TNS3: variants seen among roughly 807,000 people sequenced by gnomAD.
TNS3 encodes tensin-3.
TNS3 carries 45 observed loss-of-function variants against 140.9 expected under a neutral mutation model. The ratio of observed to expected loss-of-function variants is 0.32; its 90% confidence interval spans 0.25 to 0.41. The LOEUF is 0.41. Ranked by LOEUF, TNS3 falls within the 10% of genes least tolerant of loss-of-function variation. The probability of loss-of-function intolerance (pLI) is 1.00; values close to 1 mark genes in which losing one functional copy is unlikely to be tolerated. For missense variants in TNS3, 1,716 were observed against 1,906.7 expected (o/e 0.90, Z 1.86); for synonymous variants, 815 against 788.4 (o/e 1.03, Z -0.56).
At chr7:47,564,665 A>AAAAAAAAAAAC (rs1800392417) in intron 1 of TNS3, among the ~76,000 whole-genome samples, 1 of 149,122 alleles carries the variant, frequency 6.7e-6, no homozygotes, top group African/African-American at 2.5e-5. Context: ...AAAAACAAAA[A>AAAAAAAAAAAC]AAGACTGCAA....
At chr7:47,381,722 G>A (rs1187796080) in intron 16 of TNS3, among the ~76,000 whole-genome samples, 1 of 152,170 alleles carries the variant, frequency 6.6e-6, no homozygotes, top group African/African-American at 2.4e-5. Context: ...AAAACTCAGC[G>A]CACCCTTGGG....
chr7:47,306,394 C>T (rs545256654), intron 20 of TNS3, among the ~76,000 whole-genome samples: 34 of 152,304 alleles, frequency 2.2e-4, no homozygotes, highest in African/African-American at 7.5e-4. Flanking sequence ...AAATGGAATG[C>T]ACTTCACTCC....
intron 25 of TNS3, among the ~76,000 whole-genome samples, chr7:47,293,205 T>C (rs956533315): frequency 2.0e-5 from 3 of 152,220 alleles, no homozygotes; most frequent in African/African-American, 7.2e-5. Flanking sequence ...AGGGTTGACA[T>C]CAAGCCAACT....
intron 20 of TNS3, among the ~76,000 whole-genome samples, chr7:47,305,244 C>G (rs984426530): frequency 5.9e-5 from 9 of 152,214 alleles, no homozygotes; most frequent in Non-Finnish European, 1.2e-4. Flanking sequence ...CGACCTAATT[C>G]AGTCCCCCAC....
intron 3 of TNS3, among the ~76,000 whole-genome samples, chr7:47,498,220 C>T (rs1352993040): frequency 6.6e-6 from 1 of 152,268 alleles, no homozygotes; most frequent in Admixed American, 6.5e-5. Flanking sequence ...CAATAAAACA[C>T]ACTTGCAGGC....
At position 47,415,301 on chromosome 7, in the gene TNS3, G is replaced by A. The variant is rs1794018130; in HGVS notation, c.474-95C>T. ...GAGAAACACATCCTGGCTGAGTCTG[G>A]GGCTCTGGGAGAGAATCGGTCCACT... On this transcript the variant is annotated intron_variant, in intron 10 of 30. Transcript: ENST00000311160. 1.8e-5 allele frequency: 15 copies of A among 839,026 alleles called. No homozygotes were observed. The South Asian group carries it at 2.5e-4, about 14-fold the overall frequency. 52.0% of individuals were successfully genotyped at this position (839,026 alleles called of 1,614,324 possible).
chr7:47,427,421 G>A (rs762047401), intron 9 of TNS3, among the ~76,000 whole-genome samples: 8 of 152,258 alleles, frequency 5.3e-5, no homozygotes, highest in Admixed American at 4.6e-4. Flanking sequence ...AAGGTTTATC[G>A]GCTGATATGA....
At chr7:47,411,203 G>A (rs991423535) in intron 13 of TNS3, among the ~76,000 whole-genome samples, 6 of 152,208 alleles carry the variant, frequency 3.9e-5, no homozygotes, top group African/African-American at 1.4e-4. Context: ...TAGAATGAAA[G>A]AGAATCAAGA....
At chr7:47,296,087 G>C (rs1160844700) in intron 24 of TNS3, among the ~76,000 whole-genome samples, 1 of 152,006 alleles carries the variant, frequency 6.6e-6, no homozygotes, top group Non-Finnish European at 1.5e-5. Context: ...CAGAGTGAAA[G>C]AATAGCTTCC....
intron 1 of TNS3, among the ~76,000 whole-genome samples, chr7:47,571,537 C>A (rs1389929968): frequency 1.4e-5 from 2 of 138,496 alleles, no homozygotes; most frequent in African/African-American, 2.8e-5. Context: ...CGAAACCGTG[C>A]AGAAAAACCA....
rs754605291 is a variant in TNS3 at position 47,529,131 on chromosome 7, G to C, written c.-248C>G. ...CTTGTTCTTAAAAGCGTGCAGACTC[G>C]AGGTTAATTCTTCCGGCTGAAAAAG... is the stretch of plus-strand genomic sequence containing the variant. On this transcript the variant is annotated 5_prime_UTR_variant, in exon 2 of 31. Transcript: ENST00000311160. 2 of 1,281,544 alleles carry C rather than the reference G, an allele frequency of 1.6e-6. No individual in the cohort carries two copies. The highest frequency in any genetic ancestry group is 2.0e-6 in the Non-Finnish European group (2 of 986,012). 79.4% of individuals were successfully genotyped at this position (1,281,544 alleles called of 1,614,324 possible). A position where few individuals can be genotyped will look rare whatever the true frequency, so the allele number is the denominator to read the frequency against.
chr7:47,493,170 A>T (rs140328085), intron 3 of TNS3, among the ~76,000 whole-genome samples: 116 of 152,330 alleles, frequency 7.6e-4, no homozygotes, highest in Non-Finnish European at 1.3e-3. Flanking sequence ...CTGACAGTCA[A>T]TGTTCAGTGG....
chr7:47,457,118 G>GAGGGA (rs1796281048), intron 4 of TNS3, among the ~76,000 whole-genome samples: 2 of 39,564 alleles, frequency 5.1e-5, no homozygotes, highest in Non-Finnish European at 1.2e-4. Context: ...AAGGGGAGGG[G>GAGGGA]AGGGGAGGGG....
intron 17 of TNS3, among the ~76,000 whole-genome samples, chr7:47,351,830 G>A (rs776657275): frequency 7.9e-5 from 12 of 152,222 alleles, no homozygotes; most frequent in East Asian, 1.9e-4. Flanking sequence ...AATGGACCAC[G>A]CTAGGAGTGC....
At chr7:47,511,282 T>C (rs1468245374) in intron 2 of TNS3, among the ~76,000 whole-genome samples, 3 of 152,164 alleles carry the variant, frequency 2.0e-5, no homozygotes, top group African/African-American at 7.2e-5. Flanking sequence ...TGGGGCTAGA[T>C]TGTCTTTGAC....
intron 1 of TNS3, among the ~76,000 whole-genome samples, chr7:47,561,407 G>T (rs1407204277): frequency 6.6e-6 from 1 of 152,164 alleles, no homozygotes; most frequent in Admixed American, 6.5e-5. Flanking sequence ...TCAGGATTCA[G>T]CCTCAGAAAC....
intron 17 of TNS3, among the ~76,000 whole-genome samples, chr7:47,351,180 G>T (rs983137909): frequency 9.9e-5 from 15 of 152,200 alleles, no homozygotes; most frequent in South Asian, 4.2e-4. Flanking sequence ...CCTAAATCCC[G>T]TTCTAATTTT....
chr7:47,346,698 C>T (rs1029366520), intron 17 of TNS3, among the ~76,000 whole-genome samples: 26 of 152,264 alleles, frequency 1.7e-4, no homozygotes, highest in Admixed American at 3.9e-4. Flanking sequence ...GTGGGACTGA[C>T]GATGACCCAG....
intron 20 of TNS3, among the ~76,000 whole-genome samples, chr7:47,327,537 G>A (rs1185629390): frequency 2.0e-5 from 3 of 152,192 alleles, no homozygotes; most frequent in Non-Finnish European, 4.4e-5. Context: ...GGGCAGGCTC[G>A]CTTTATCAGT....
Sources: gnomAD v4.1 joint callset for allele counts (sites outside exome capture counted in the v4.1 genomes callset) on GRCh38, gnomAD v4.1.1 for gene constraint, MANE v1.5 for transcripts, NCBI Gene and HGNC (gene_info 2026-07-23, HGNC 2026-07-21) for gene names.